The following PIP5K1C variants were observed in gnomAD, a reference collection of about 807,000 sequenced individuals.
The protein encoded by PIP5K1C is phosphatidylinositol 4-phosphate 5-kinase type-1 gamma.
Under a neutral mutation model 80.1 loss-of-function variants are expected in PIP5K1C, and 45 were observed. That is an observed-to-expected ratio of 0.56 (90% CI 0.44 to 0.72). PIP5K1C has a LOEUF of 0.72. Among genes scored for constraint, PIP5K1C ranks in the 30% least tolerant of loss-of-function variants. The pLI, the probability that PIP5K1C is intolerant of heterozygous loss-of-function variation, is 0.00. For synonymous variants in PIP5K1C, 498 were observed against 420.1 expected (o/e 1.19, Z -2.27); for missense variants, 753 against 954.6 (o/e 0.79, Z 2.78).
At chr19:3,668,651 C>T (rs1310679968) in intron 1 of PIP5K1C, among the ~76,000 whole-genome samples, 4 of 152,320 alleles carry the variant, frequency 2.6e-5, no homozygotes, top group Non-Finnish European at 4.4e-5. Flanking sequence ...AGGGATCGCA[C>T]GTGCTGGCGT....
At chr19:3,684,744 C>T (rs1198921707) in intron 1 of PIP5K1C, among the ~76,000 whole-genome samples, 3 of 152,244 alleles carry the variant, frequency 2.0e-5, no homozygotes, top group African/African-American at 7.2e-5. Flanking sequence ...CCACCACCTG[C>T]TGAAGGTCAC....
rs78038182 is a variant in PIP5K1C, at chr19:3,666,415, G to A, written c.126+907C>T. Among the ~76,000 whole-genome samples the A allele has an allele frequency of 2.6e-3, 393 of 152,364 alleles. 2 individuals are homozygous for A. The highest frequency in any genetic ancestry group is 8.8e-3 in the African/African-American group (368 of 41,588). On this transcript the variant is annotated intron_variant, in intron 2 of 17. Transcript: ENST00000335312. ...GGGCCAACGTGCAGAGAAAGCTCTC[G>A]GGAGGAGACGGGCAGCAATGACAGG... is the stretch of plus-strand genomic sequence containing the variant.
intron 4 of PIP5K1C, among the ~76,000 whole-genome samples, 156 bp downstream of exon 4, chr19:3,661,715 C>A (rs1432219486): frequency 1.3e-5 from 2 of 152,258 alleles, no homozygotes; most frequent in South Asian, 4.1e-4. Context: ...AGCAAACAAA[C>A]GTCCTGACGG....
Position 3,637,454 on chromosome 19 carries a change from C to A in PIP5K1C, c.1920+1430G>T. 6.5e-7 allele frequency: 1 copy of A among 1,535,732 alleles called. No individual in the cohort carries two copies. Among genetic ancestry groups the A allele is most frequent in the Non-Finnish European group, 8.7e-7 (1 of 1,146,814 alleles). The stretch of plus-strand genomic sequence containing the variant: ...AAAACAACTGACGTCAGACACTGAG[C>A]TTCCGGCCGGGGACCTGCGGCTCCC... On this transcript the variant is annotated intron_variant, in intron 16 of 17. Transcript: ENST00000335312. The surrounding 1 kb of genome is among the most constrained non-coding windows in gnomAD (Gnocchi z 7.0).
In PIP5K1C at chr19:3,648,860, T is replaced by A. The variant is rs2034344571; in HGVS notation, c.1128-152A>T. The A allele has an allele frequency of 1.5e-6, 1 of 666,084 alleles. No individual in the cohort carries two copies. Among genetic ancestry groups the A allele is most frequent in the South Asian group, 1.7e-5 (1 of 57,658 alleles). The allele number at this position is 666,084 out of a possible 1,614,324, so 41.3% of individuals were successfully genotyped here. ...GAGTGGGGCCTGGCACCCGGGAACC[T>A]CTGTCCTGACATCCCTCCATCACCC... On this transcript the variant is annotated intron_variant, in intron 8 of 17. Transcript: ENST00000335312. This position sits in a 1 kb window ranked among gnomAD's most constrained non-coding sequence, Gnocchi z 4.3.
chr19:3,632,991 G>T lies in PIP5K1C; in HGVS notation c.*176C>A. On this transcript the variant is annotated 3_prime_UTR_variant, in exon 18 of 18. Coordinates refer to ENST00000335312, the MANE Select transcript of PIP5K1C (RefSeq NM_012398.3). ...TGCCGACCGGGGTGCCGGGGCCCTG[G>T]GAGGCTTGTCGGGGAGGGGCCCGGC... 1.9e-6 allele frequency: 1 copy of T among 534,414 alleles called. No individual in the cohort carries two copies. The allele number at this position is 534,414 out of a possible 1,614,324, so 33.1% of individuals were successfully genotyped here. A position where few individuals can be genotyped will look rare whatever the true frequency, so the allele number is the denominator to read the frequency against.
chr19:3,668,714 C>T (rs1489503173), intron 1 of PIP5K1C, among the ~76,000 whole-genome samples: 1 of 152,114 alleles, frequency 6.6e-6, no homozygotes, highest in Admixed American at 6.5e-5. Flanking sequence ...GGCTCACGGT[C>T]AACAGGGGTG....
In PIP5K1C at chr19:3,690,106, C is replaced by CT. The variant is rs113807797; in HGVS notation, c.94+10190dup. On this transcript the variant is annotated intron_variant, in intron 1 of 17. Transcript: ENST00000335312. ...TTTTTACTCACTGCAAGTCTGATTA[C>CT]TTTTTTTTTTTTTAACTGTGAACAT... is the stretch of plus-strand genomic sequence containing the variant. Among the ~76,000 whole-genome samples, 1,280 of 146,740 alleles carry CT rather than the reference C, an allele frequency of 8.7e-3. 23 individuals carry two copies. The highest frequency in any genetic ancestry group is 0.025 in the African/African-American group (993 of 40,128).
At chr19:3,678,708 A>C (rs1287103332) in intron 1 of PIP5K1C, among the ~76,000 whole-genome samples, 47 of 90,818 alleles carry the variant, frequency 5.2e-4, no homozygotes, top group Non-Finnish European at 8.0e-4. Flanking sequence ...GGAGGGCGGG[A>C]GGGATGGAGG....
intron 15 of PIP5K1C, among the ~76,000 whole-genome samples, chr19:3,641,345 T>G (rs2033952973): frequency 6.6e-6 from 1 of 152,226 alleles, no homozygotes. Context: ...CAGGGTCTCT[T>G]GCCTGGGCCC....
At chr19:3,698,587 C>T (rs2036197928) in intron 1 of PIP5K1C, among the ~76,000 whole-genome samples, 1 of 152,228 alleles carries the variant, frequency 6.6e-6, no homozygotes, top group South Asian at 2.1e-4. Flanking sequence ...GCTGTCACAA[C>T]TGGCAGGTGC....
intron 1 of PIP5K1C, among the ~76,000 whole-genome samples, chr19:3,667,744 C>G (rs1005289697): frequency 1.3e-5 from 2 of 152,230 alleles, no homozygotes; most frequent in Admixed American, 1.3e-4. Context: ...CCTTCACACC[C>G]AGACATGAGG....
At chr19:3,655,114 A>T (rs1427441282) in intron 6 of PIP5K1C, among the ~76,000 whole-genome samples, 14 of 135,186 alleles carry the variant, frequency 1.0e-4, no homozygotes, top group African/African-American at 2.2e-4. Flanking sequence ...TCTCAAAAAA[A>T]AAAAAAAAAA....
intron 16 of PIP5K1C, chr19:3,636,260 G>C (rs979739009): frequency 2.6e-5 from 11 of 418,838 alleles, no homozygotes; most frequent in Non-Finnish European, 3.5e-5. Flanking sequence ...GCAGACAGGG[G>C]AAGTGGGGGG....
intron 6 of PIP5K1C, among the ~76,000 whole-genome samples, chr19:3,655,538 G>A (rs915476752): frequency 1.3e-5 from 2 of 152,242 alleles, no homozygotes; most frequent in Non-Finnish European, 2.9e-5. Context: ...ACATGGCCGC[G>A]CCCATCCATT....
intron 1 of PIP5K1C, chr19:3,669,807 GC>G (rs2035141928): frequency 1.3e-5 from 2 of 152,312 alleles, no homozygotes; most frequent in African/African-American, 4.8e-5. Context: ...CCCGGTGACC[GC>G]CCTGCCGTCT....
chr19:3,690,673 A>G (rs1234017828), intron 1 of PIP5K1C, among the ~76,000 whole-genome samples: 1 of 152,178 alleles, frequency 6.6e-6, no homozygotes. Flanking sequence ...GTTAACAATC[A>G]TCGTAGGAGA....
rs769281267 is a variant in PIP5K1C at position 3,656,425 on chromosome 19, G to C, written c.601C>G (p.Leu201Val). The C allele has an allele frequency of 6.2e-7, 1 of 1,613,412 alleles. No homozygotes were observed. Among genetic ancestry groups the C allele is most frequent in the Non-Finnish European group, 8.5e-7 (1 of 1,180,040 alleles). Residue 201 changes from leucine to valine, a missense_variant, in exon 6 of 18, where the codon CTG becomes GTG. Leu to Val is a conservative substitution (Grantham distance 32). This residue lies in a region of PIP5K1C where 139 missense variants were observed against 289.7 expected (regional missense o/e 0.48). Transcript: ENST00000335312. ...MHKEAEFLQK[L>V]LPGYYMNLNQ... ...CGCACCATGTAGTAGCCAGGGAGCA[G>C]CTTCTGCAGGAACTCGGCCTCCTTG... is the stretch of plus-strand genomic sequence containing the variant.
intron 1 of PIP5K1C, among the ~76,000 whole-genome samples, chr19:3,695,595 G>A (rs1156623021): frequency 2.6e-5 from 4 of 152,304 alleles, no homozygotes; most frequent in South Asian, 2.1e-4. Flanking sequence ...AGGCTGTGGT[G>A]GTCACAGTGC....
Sources: allele counts gnomAD v4.1 joint callset (sites outside exome capture counted in the v4.1 genomes callset), GRCh38; gene constraint gnomAD v4.1.1; regional missense constraint gnomAD v4.1.1; non-coding constraint Gnocchi (gnomAD v3.1); transcripts MANE v1.5; gene names NCBI Gene and HGNC (gene_info 2026-07-23, HGNC 2026-07-21).